The following EPB41L4B variants were observed in gnomAD, a reference collection of about 807,000 sequenced individuals.
EPB41L4B encodes erythrocyte membrane protein band 4.1 like 4B.
Under a neutral mutation model 112.5 loss-of-function variants are expected in EPB41L4B, and 30 were observed. That is an observed-to-expected ratio of 0.27 (90% CI 0.20 to 0.36). The LOEUF (loss-of-function observed/expected upper bound fraction) is 0.36. EPB41L4B is among the 10% of genes least tolerant of loss of function. The pLI is 1.00. For missense variants in EPB41L4B, 1,024 were observed against 1,133.3 expected (o/e 0.90, Z 1.38); for synonymous variants, 408 against 439.7 (o/e 0.93, Z 0.90).
intron 15 of EPB41L4B, among the ~76,000 whole-genome samples, chr9:109,220,689 G>C (rs1833542663): frequency 6.6e-6 from 1 of 152,180 alleles, no homozygotes; most frequent in Admixed American, 6.5e-5. Flanking sequence ...CTGCATCTCT[G>C]ACCCATCTTG....
At position 109,213,725 on chromosome 9, in the gene EPB41L4B, G is replaced by C. The variant is rs551841442; in HGVS notation, c.1727C>G (p.Pro576Arg). ...LETVKAAGPW[P>R]PLHININKAE... ...CTTGTTTATGTTGATGTGCAGAGGA[G>C]GCCAGGGTCCAGCAGCCTTCACAGT... Residue 576 changes from proline (P) to arginine (R), a missense_variant, in exon 17 of 26, where the codon CCT becomes CGT. Pro to Arg is a moderately radical substitution (Grantham distance 103, BLOSUM62 -2). Transcript: ENST00000374566. The C allele has an allele frequency of 2.7e-5, 43 of 1,614,116 alleles. 1 individual carries two copies. In the South Asian group the frequency reaches 4.5e-4, roughly 17 times the overall value.
At chr9:109,183,932 C>G (rs752479130) in intron 23 of EPB41L4B, among the ~76,000 whole-genome samples, 1 of 152,372 alleles carries the variant, frequency 6.6e-6, no homozygotes, top group African/African-American at 2.4e-5. Context: ...AAGTCTCCCC[C>G]ATGTGGGGAT....
At chr9:109,191,082 G>A (rs1223666372) in intron 22 of EPB41L4B, among the ~76,000 whole-genome samples, 1 of 152,192 alleles carries the variant, frequency 6.6e-6, no homozygotes, top group African/African-American at 2.4e-5. Flanking sequence ...AGCAGATGGA[G>A]GGAGGAGGAC....
intron 1 of EPB41L4B, among the ~76,000 whole-genome samples, chr9:109,286,505 G>C (rs1465870296): frequency 6.6e-6 from 1 of 152,188 alleles, no homozygotes; most frequent in Non-Finnish European, 1.5e-5. Context: ...TTGTCTAGTG[G>C]TTATAACAGA....
intron 15 of EPB41L4B, among the ~76,000 whole-genome samples, chr9:109,234,100 T>TAAA (rs11309784): frequency 8.2e-5 from 12 of 145,484 alleles, no homozygotes; most frequent in East Asian, 2.0e-4. Context: ...CAGACTAAGT[T>TAAA]AAAAAAAAAA....
rs575766749 is a variant in EPB41L4B, at chr9:109,223,979, A to G, written c.1410-6834T>C. 2.6e-5 allele frequency among the ~76,000 whole-genome samples: 4 copies of G among 152,254 alleles called. No homozygotes were observed. The South Asian group carries it at 8.3e-4, about 32-fold the overall frequency. On this transcript the variant is annotated intron_variant, in intron 15 of 25. Transcript: ENST00000374566. ...GGTTGCAGTGAGCCGAGATTGTGCC[A>G]CTGCACTCCAGCCTGGGTGACAGAA...
intron 1 of EPB41L4B, among the ~76,000 whole-genome samples, chr9:109,305,134 C>T (rs1444106278): frequency 7.2e-6 from 1 of 139,080 alleles, no homozygotes; most frequent in Non-Finnish European, 1.5e-5. Flanking sequence ...CCACCCAAGG[C>T]AAAAAAATGC....
chr9:109,208,491 A>G lies in EPB41L4B; in HGVS notation c.1753-442T>C, dbSNP rs112531384. On this transcript the variant is annotated intron_variant, in intron 17 of 25. Transcript: ENST00000374566. ...GGTAGTTTGACAACAAATCTTGCAG[A>G]AAATTGTGATTTTCAACAAGAAATT... Among the ~76,000 whole-genome samples, 1,288 of 152,356 alleles carry G rather than the reference A, an allele frequency of 8.5e-3. 19 individuals carry two copies. Among genetic ancestry groups the G allele is most frequent in the African/African-American group, 0.03 (1,245 of 41,572 alleles).
intron 15 of EPB41L4B, among the ~76,000 whole-genome samples, chr9:109,221,240 G>A (rs1260737217): frequency 6.6e-6 from 1 of 152,166 alleles, no homozygotes; most frequent in Non-Finnish European, 1.5e-5. Context: ...AGGGGAGGGA[G>A]GGGGAGGAAG....
chr9:109,292,395 T>C (rs1288965033), intron 1 of EPB41L4B, among the ~76,000 whole-genome samples: 2 of 152,232 alleles, frequency 1.3e-5, no homozygotes, highest in Non-Finnish European at 2.9e-5. Context: ...AAAGGTCCAC[T>C]GGACAAACTT....
At chr9:109,248,842 G>A (rs1834658923) in intron 13 of EPB41L4B, among the ~76,000 whole-genome samples, 1 of 151,916 alleles carries the variant, frequency 6.6e-6, no homozygotes, top group Non-Finnish European at 1.5e-5. Flanking sequence ...GGTTGATCAC[G>A]AGGTCAGGAG....
intron 12 of EPB41L4B, 31 bp from the exon 13 acceptor site, chr9:109,251,542 C>A (rs1439698355): frequency 6.2e-7 from 1 of 1,604,404 alleles, no homozygotes; most frequent in East Asian, 2.2e-5. Flanking sequence ...GTTATGACAT[C>A]TTAGAGAACT....
intron 1 of EPB41L4B, among the ~76,000 whole-genome samples, chr9:109,283,013 A>G (rs1209886689): frequency 6.6e-6 from 1 of 152,022 alleles, no homozygotes; most frequent in Non-Finnish European, 1.5e-5. Flanking sequence ...CAACAAGCAG[A>G]ATATAGGGAA....
intron 15 of EPB41L4B, among the ~76,000 whole-genome samples, chr9:109,219,753 G>A (rs926485160): frequency 4.6e-5 from 7 of 152,156 alleles, no homozygotes; most frequent in Non-Finnish European, 7.4e-5. Flanking sequence ...TTTCTTCAAC[G>A]GAAAATCCAT....
chr9:109,200,388 G>A (rs553634663), intron 19 of EPB41L4B, 54 bp from the exon 20 acceptor site: 31 of 1,410,080 alleles, frequency 2.2e-5, no homozygotes, highest in East Asian at 2.1e-4. Flanking sequence ...TTATGGTCTC[G>A]TTTTAGCCAT....
chr9:109,299,964 C>T (rs1278736900), intron 1 of EPB41L4B, among the ~76,000 whole-genome samples: 4 of 152,196 alleles, frequency 2.6e-5, no homozygotes, highest in Non-Finnish European at 5.9e-5. Context: ...CACAACCCTA[C>T]GGTGAACAGA....
At chr9:109,254,091 G>A (rs1834894761) in intron 11 of EPB41L4B, among the ~76,000 whole-genome samples, 1 of 152,174 alleles carries the variant, frequency 6.6e-6, no homozygotes, top group African/African-American at 2.4e-5. Context: ...GTTGCTCTTA[G>A]TCACCATTTG....
At position 109,182,717 on chromosome 9, in the gene EPB41L4B, G is replaced by A. The variant is rs1336827608; in HGVS notation, c.2487+12C>T. 1 of 1,599,612 alleles carries A rather than the reference G, an allele frequency of 6.3e-7. No homozygotes were observed. The highest frequency in any genetic ancestry group is 1.7e-5 in the Admixed American group (1 of 59,874). On this transcript the variant is annotated intron_variant, in intron 24 of 25. Transcript: ENST00000374566. ...GGTTTAAAATGCACATCTGTTTTCT[G>A]GATCTACTTACAGTAAACTGTGGCC...
intron 2 of EPB41L4B, among the ~76,000 whole-genome samples, chr9:109,273,031 G>T (rs974924160): frequency 6.6e-6 from 1 of 152,026 alleles, no homozygotes; most frequent in Non-Finnish European, 1.5e-5. Flanking sequence ...CCTGTGGGGG[G>T]ATCTTTCCTG....
Sources: allele counts gnomAD v4.1 joint callset (sites outside exome capture counted in the v4.1 genomes callset), GRCh38; gene constraint gnomAD v4.1.1; transcripts MANE v1.5; gene names NCBI Gene and HGNC (gene_info 2026-07-23, HGNC 2026-07-21).